Variants in KCTD16 observed in about 807,000 individuals in gnomAD.
KCTD16 encodes the protein potassium channel tetramerization domain containing 16, also known as BTB/POZ domain-containing protein KCTD16.
In KCTD16, 13 loss-of-function variants were observed where a neutral mutation model predicts 33.2. The observed-to-expected ratio is 0.39, with a 90% CI of 0.25 to 0.62. KCTD16 has a LOEUF of 0.62. Among genes scored for constraint, KCTD16 ranks in the 20% least tolerant of loss-of-function variants. The pLI is 0.50. For synonymous variants in KCTD16, 197 were observed against 195.3 expected, an observed-to-expected ratio of 1.01 and a Z score of -0.07; for missense variants, 441 against 525.1, an observed-to-expected ratio of 0.84 and a Z score of 1.57.
intron 3 of KCTD16, among the ~76,000 whole-genome samples, chr5:144,291,694 A>C (rs1454585928): frequency 6.6e-6 from 1 of 152,178 alleles, no homozygotes; most frequent in East Asian, 1.9e-4. Flanking sequence ...AAATCATTAA[A>C]CCAGGGACTA....
chr5:144,239,851 G>A (rs1173164938), intron 3 of KCTD16, among the ~76,000 whole-genome samples: 1 of 152,094 alleles, frequency 6.6e-6, no homozygotes, highest in African/African-American at 2.4e-5. Flanking sequence ...ACTGGTACTT[G>A]AAGGATAAAT....
At chr5:144,342,631 G>A (rs962093753) in intron 3 of KCTD16, among the ~76,000 whole-genome samples, 11 of 152,174 alleles carry the variant, frequency 7.2e-5, no homozygotes, top group African/African-American at 2.4e-4. Flanking sequence ...TCGGAGTGGT[G>A]AGAGAGGGCA....
intron 3 of KCTD16, among the ~76,000 whole-genome samples, chr5:144,452,728 A>G (rs1321492464): frequency 2.6e-5 from 4 of 151,878 alleles, no homozygotes; most frequent in Non-Finnish European, 5.9e-5. Context: ...AATAAAATAG[A>G]GTCTGTCATC....
At chr5:144,245,212 T>C (rs1240741214) in intron 3 of KCTD16, among the ~76,000 whole-genome samples, 1 of 152,166 alleles carries the variant, frequency 6.6e-6, no homozygotes, top group Non-Finnish European at 1.5e-5. Context: ...GCATACAGTC[T>C]AGAAGGGAGA....
rs991092703 is a variant in KCTD16, at chr5:144,215,259, C to G, written c.832+7713C>G. Reference sequence around the variant, plus strand: ...TCTCCTTTTAGTTGGTTCATCCAAGCAGGAGTAAATTGAAGCTGGATGTGA... The same window carrying G: ...TCTCCTTTTAGTTGGTTCATCCAAGGAGGAGTAAATTGAAGCTGGATGTGA... On this transcript the variant is annotated intron_variant, in intron 3 of 3. Transcript: ENST00000512467. 2.0e-5 allele frequency among the ~76,000 whole-genome samples: 3 copies of G among 152,082 alleles called. 1 individual carries two copies. The highest frequency in any genetic ancestry group is 2.0e-4 in the Admixed American group (3 of 15,266).
Position 144,427,252 on chromosome 5 carries a change from G to C in KCTD16, c.833-46408G>C, listed in dbSNP as rs572063436. On this transcript the variant is annotated intron_variant, in intron 3 of 3. Transcript: ENST00000512467. ...ATGAGGTTGCTGGTTTGAATTAAGC[G>C]GGGGGAGGGGGGTGAGTATCTTGAT... 1.3e-4 allele frequency among the ~76,000 whole-genome samples: 20 copies of C among 152,034 alleles called. No individual in the cohort carries two copies. In the Middle Eastern group the frequency reaches 0.01, roughly 78 times the overall value.
intron 3 of KCTD16, among the ~76,000 whole-genome samples, chr5:144,219,672 C>G (rs1265297374): frequency 6.6e-6 from 1 of 152,036 alleles, no homozygotes; most frequent in Non-Finnish European, 1.5e-5. Context: ...AGGCATCCAA[C>G]ACTGCGCCTG....
At chr5:144,378,331 A>G (rs144505535) in intron 3 of KCTD16, among the ~76,000 whole-genome samples, 129 of 152,330 alleles carry the variant, frequency 8.5e-4, no homozygotes, top group African/African-American at 3.0e-3. Context: ...GGTGGTGTAT[A>G]TTGCCAGATA....
chr5:144,183,489 G>T (rs1752667026), intron 2 of KCTD16, among the ~76,000 whole-genome samples: 1 of 151,978 alleles, frequency 6.6e-6, no homozygotes, highest in Non-Finnish European at 1.5e-5. Context: ...CCCCCTAGTG[G>T]CTTTTTATGG....
At chr5:144,457,541 C>T (rs1156516835) in intron 3 of KCTD16, among the ~76,000 whole-genome samples, 3 of 152,142 alleles carry the variant, frequency 2.0e-5, no homozygotes, top group Non-Finnish European at 4.4e-5. Context: ...AATGTACAAA[C>T]ACTGAGAAGT....
intron 3 of KCTD16, among the ~76,000 whole-genome samples, chr5:144,325,103 C>T (rs1456155504): frequency 1.3e-5 from 2 of 152,180 alleles, no homozygotes; most frequent in Non-Finnish European, 2.9e-5. Flanking sequence ...AAAAGACTGT[C>T]TTTGTGTGCT....
chr5:144,376,139 C>T (rs562447867), intron 3 of KCTD16, among the ~76,000 whole-genome samples: 101 of 152,114 alleles, frequency 6.6e-4, no homozygotes, highest in African/African-American at 2.4e-3. Flanking sequence ...GTCATGTCTA[C>T]CTTTTTTTCC....
chr5:144,459,731 T>G (rs1754150014), intron 3 of KCTD16, among the ~76,000 whole-genome samples: 1 of 151,766 alleles, frequency 6.6e-6, no homozygotes, highest in South Asian at 2.1e-4. Context: ...GGAAAAATCA[T>G]CATTTTTATT....
chr5:144,457,776 G>A (rs1409726283), intron 3 of KCTD16, among the ~76,000 whole-genome samples: 2 of 152,220 alleles, frequency 1.3e-5, no homozygotes, highest in Non-Finnish European at 2.9e-5. Context: ...CTGGCAAGGT[G>A]TAGGCCAATA....
In KCTD16 at chr5:144,358,610, T is replaced by C. The variant is rs568524629; in HGVS notation, c.833-115050T>C. Among the ~76,000 whole-genome samples, 7 of 152,288 alleles carry C rather than the reference T, an allele frequency of 4.6e-5. No homozygotes were observed. In the East Asian group the frequency reaches 1.4e-3, roughly 30 times the overall value. ...CTGTTAGTAAATTCCACAAAAGTAC[T>C]GTCTCAGTCCTTTCAGGCTACCAAA... On this transcript the variant is annotated intron_variant, in intron 3 of 3. Coordinates refer to ENST00000512467, the MANE Select transcript of KCTD16 (RefSeq NM_020768.4).
At chr5:144,257,374 C>G (rs1754877943) in intron 3 of KCTD16, among the ~76,000 whole-genome samples, 1 of 152,176 alleles carries the variant, frequency 6.6e-6, no homozygotes, top group Non-Finnish European at 1.5e-5. Context: ...GCTCTTACAG[C>G]TACTGAACCA....
chr5:144,217,624 T>C (rs531924310), intron 3 of KCTD16, among the ~76,000 whole-genome samples: 1 of 152,340 alleles, frequency 6.6e-6, no homozygotes, highest in African/African-American at 2.4e-5. Context: ...ACCTGTCTTA[T>C]ATGAAGTACT....
intron 3 of KCTD16, among the ~76,000 whole-genome samples, chr5:144,426,861 TC>T (rs1753342535): frequency 6.6e-6 from 1 of 152,266 alleles, no homozygotes; most frequent in East Asian, 1.9e-4. Context: ...GGTGGATTCC[TC>T]ATACTTAATC....
rs141085186 is a variant in KCTD16 at position 144,357,585 on chromosome 5, T to C, written c.833-116075T>C. ...AGAGATAAATTAAATATAACCAAGG[T>C]ATGCTCTCTCCAGAAACTCACAGCT... On this transcript the variant is annotated intron_variant, in intron 3 of 3. Coordinates refer to ENST00000512467, the MANE Select transcript of KCTD16 (RefSeq NM_020768.4). Among the ~76,000 whole-genome samples the C allele has an allele frequency of 8.5e-5, 13 of 152,302 alleles. No homozygotes were observed. The East Asian group carries it at 2.5e-3, about 29-fold the overall frequency.
Sources: allele counts gnomAD v4.1 joint callset (sites outside exome capture counted in the v4.1 genomes callset), GRCh38; gene constraint gnomAD v4.1.1; transcripts MANE v1.5; gene names NCBI Gene and HGNC (gene_info 2026-07-23, HGNC 2026-07-21).